SOX5: variants seen among roughly 807,000 people sequenced by gnomAD.
SOX5 encodes the protein transcription factor SOX-5.
A neutral mutation model predicts 92.0 loss-of-function variants in SOX5; 9 were observed. The ratio of observed to expected loss-of-function variants is 0.10; its 90% CI spans 0.06 to 0.17. The LOEUF is 0.17. Ranked by LOEUF, SOX5 falls within the 10% of genes least tolerant of loss-of-function variation. The probability of loss-of-function intolerance (pLI) is 1.00; values close to 1 mark genes in which losing one functional copy is unlikely to be tolerated. For synonymous variants in SOX5, 344 were observed against 336.3 expected, an observed-to-expected ratio of 1.02 and a Z score of -0.25; for missense variants, 642 against 944.5, an observed-to-expected ratio of 0.68 and a Z score of 4.20.
chr12:24,405,766 A>G (rs1370490829), intron 1 of SOX5, among the ~76,000 whole-genome samples: 1 of 152,188 alleles, frequency 6.6e-6, no homozygotes, highest in East Asian at 1.9e-4. Flanking sequence ...ATTTCAATGT[A>G]AATGACCAGG....
rs571593346 is a variant in SOX5 at position 24,315,030 on chromosome 12, T to G, written c.-173-37718A>C. On this transcript the variant is annotated intron_variant, in intron 2 of 4. Coordinates refer to the SOX5 transcript ENST00000446891. The stretch of plus-strand genomic sequence containing the variant: ...TTAATGGATGAGTTAATGGATTAAT[T>G]AATGAGTTAATGAAATACTTTAGCA... Among the ~76,000 whole-genome samples the G allele has an allele frequency of 2.6e-5, 4 of 152,300 alleles. No individual in the cohort carries two copies. In the East Asian group the frequency reaches 7.7e-4, roughly 29 times the overall value.
At chr12:23,909,896 T>C (rs2097333105) in intron 1 of SOX5, among the ~76,000 whole-genome samples, 1 of 152,010 alleles carries the variant, frequency 6.6e-6, no homozygotes. Flanking sequence ...ACCTTTGTGT[T>C]CCAAAGGGGA....
chr12:23,670,859 C>T (rs1364718043), intron 6 of SOX5, among the ~76,000 whole-genome samples: 1 of 152,024 alleles, frequency 6.6e-6, no homozygotes, highest in African/African-American at 2.4e-5. Flanking sequence ...TTAGGTGAGA[C>T]CACATGAATT....
At chr12:24,002,701 A>G (rs531612669) in intron 4 of SOX5, among the ~76,000 whole-genome samples, 30 of 152,230 alleles carry the variant, frequency 2.0e-4, no homozygotes, top group African/African-American at 6.7e-4. Flanking sequence ...TATTTCCACA[A>G]TGCAAAGCCC....
At chr12:24,194,575 T>C (rs1286439038) in intron 4 of SOX5, among the ~76,000 whole-genome samples, 7 of 152,148 alleles carry the variant, frequency 4.6e-5, no homozygotes, top group Admixed American at 4.6e-4. Flanking sequence ...GTATATTTTG[T>C]CACATCAGGA....
chr12:23,716,586 G>A (rs2092512668), intron 6 of SOX5, among the ~76,000 whole-genome samples: 1 of 152,256 alleles, frequency 6.6e-6, no homozygotes, highest in Non-Finnish European at 1.5e-5. Flanking sequence ...TTTCTGGGAT[G>A]TTGATCACTA....
intron 3 of SOX5, among the ~76,000 whole-genome samples, chr12:23,826,359 C>T (rs902009605): frequency 2.0e-5 from 3 of 151,926 alleles, no homozygotes; most frequent in African/African-American, 4.8e-5. Flanking sequence ...CCCATGCCAC[C>T]GAAGGAGAAA....
intron 1 of SOX5, among the ~76,000 whole-genome samples, chr12:24,376,689 C>A (rs139518927): frequency 1.1e-5 from 1 of 93,084 alleles, no homozygotes; most frequent in Admixed American, 1.3e-4. Flanking sequence ...GGGAGAGATA[C>A]CTTTTTTTTT....
intron 6 of SOX5, among the ~76,000 whole-genome samples, chr12:23,711,958 C>G (rs73073870): frequency 0.097 from 14,686 of 152,184 alleles, 828 homozygotes; most frequent in Non-Finnish European, 0.12. Context: ...ATGACTATAA[C>G]AAACTTGAAA....
chr12:24,044,724 C>G lies in SOX5; in HGVS notation c.-1-148700G>C, dbSNP rs540226786. Among the ~76,000 whole-genome samples the G allele has an allele frequency of 2.6e-5, 4 of 152,344 alleles. No homozygotes were observed. The East Asian group carries it at 7.7e-4, about 29-fold the overall frequency. On this transcript the variant is annotated intron_variant, in intron 4 of 4. Transcript: ENST00000446891. ...TCTACAATGCATATTCCATATCGAA[C>G]TGAACCTAAAATGCATCCCTGATTG...
At chr12:23,851,475 C>T (rs756970537) in intron 2 of SOX5, among the ~76,000 whole-genome samples, 1 of 152,040 alleles carries the variant, frequency 6.6e-6, no homozygotes, top group Non-Finnish European at 1.5e-5. Flanking sequence ...AATTTTCTTT[C>T]GTTAAGATTA....
Position 23,843,554 on chromosome 12 carries a change from CTTTTTTTTTTTTT to C in SOX5, c.481+2416_481+2428del, listed in dbSNP as rs71059931. ...TCAGAATATTTGACAGTCATTTCTC[CTTTTTTTTTTTTT>C]TTTTTTTTTTTTTTGAGACAGAGTC... On this transcript the variant is annotated intron_variant, in intron 3 of 14. Coordinates refer to ENST00000451604, the MANE Select transcript of SOX5 (RefSeq NM_006940.6). 2.8e-5 allele frequency among the ~76,000 whole-genome samples: 2 copies of C among 71,304 alleles called. 1 individual carries two copies. Among genetic ancestry groups the C allele is most frequent in the Admixed American group, 4.7e-4 (2 of 4,228 alleles). The allele number at this position is 71,304 out of a possible 152,430, so 46.8% of individuals were successfully genotyped here.
At chr12:24,423,361 ATTTGTCT>A (rs1966223533) in intron 1 of SOX5, among the ~76,000 whole-genome samples, 2 of 152,194 alleles carry the variant, frequency 1.3e-5, no homozygotes, top group South Asian at 4.1e-4. Context: ...AGTAAATGAA[ATTTGTCT>A]TTTGTGATTT....
At chr12:24,186,821 G>T (rs528021412) in intron 4 of SOX5, among the ~76,000 whole-genome samples, 5 of 152,038 alleles carry the variant, frequency 3.3e-5, no homozygotes, top group Non-Finnish European at 5.9e-5. Context: ...TATTTTCTTT[G>T]GTTGGCAGAA....
intron 3 of SOX5, among the ~76,000 whole-genome samples, chr12:24,261,331 A>G (rs1942055604): frequency 6.6e-6 from 1 of 152,210 alleles, no homozygotes; most frequent in Non-Finnish European, 1.5e-5. Flanking sequence ...TGAGCCATTA[A>G]GGACTTTGTA....
intron 4 of SOX5, among the ~76,000 whole-genome samples, chr12:24,108,800 C>A (rs555602726): frequency 3.9e-5 from 6 of 152,100 alleles, no homozygotes; most frequent in Admixed American, 3.9e-4. Context: ...CAAATGATAC[C>A]TTTCTCAGAA....
At chr12:23,546,546 C>G in intron 11 of SOX5, 122 bp from the exon 12 acceptor site, 1 of 619,300 alleles carries the variant, frequency 1.6e-6, no homozygotes, top group Non-Finnish European at 2.8e-6. Context: ...ATATATTCAC[C>G]TTTTTACGTT....
At chr12:23,916,375 T>G (rs1457076703) in intron 1 of SOX5, among the ~76,000 whole-genome samples, 1 of 152,156 alleles carries the variant, frequency 6.6e-6, no homozygotes, top group East Asian at 1.9e-4. Flanking sequence ...CAGTTCCAGG[T>G]AGATTTCTGC....
At chr12:23,911,022 A>C (rs1021633480) in intron 1 of SOX5, among the ~76,000 whole-genome samples, 2 of 152,052 alleles carry the variant, frequency 1.3e-5, no homozygotes, top group African/African-American at 4.8e-5. Context: ...ACTTCCTATT[A>C]TTTTTTCTTA....
Sources: gnomAD v4.1 joint callset for allele counts (sites outside exome capture counted in the v4.1 genomes callset) on GRCh38, gnomAD v4.1.1 for gene constraint, MANE v1.5 for transcripts, NCBI Gene and HGNC (gene_info 2026-07-23, HGNC 2026-07-21) for gene names.